Variants in LINC00305 observed in about 807,000 individuals in gnomAD.
LINC00305 encodes the protein long intergenic non-protein coding RNA 305.
intron 1 of LINC00305, among the ~76,000 whole-genome samples, chr18:64,107,450 G>A (rs1031882961): frequency 6.6e-6 from 1 of 152,200 alleles, no homozygotes; most frequent in Non-Finnish European, 1.5e-5. Flanking sequence ...GGAACTCTCT[G>A]AAATCCTTCA....
At chr18:64,098,630 TA>T in exon 2 of LINC00305, 1 of 430,402 alleles carries the variant, frequency 2.3e-6, no homozygotes, top group South Asian at 1.7e-5. Context: ...TGGAACCAGA[TA>T]ATTTCCATCC....
At chr18:64,113,705 T>G (rs2051325270) in intron 1 of LINC00305, among the ~76,000 whole-genome samples, 1 of 152,296 alleles carries the variant, frequency 6.6e-6, no homozygotes, top group East Asian at 1.9e-4. Flanking sequence ...CCAGTAATAC[T>G]CAACCTCAGC....
chr18:64,112,007 C>G (rs1300850271), intron 1 of LINC00305, among the ~76,000 whole-genome samples: 1 of 152,034 alleles, frequency 6.6e-6, no homozygotes, highest in African/African-American at 2.4e-5. Context: ...TATATTTCCC[C>G]TTAATATGTC....
chr18:64,130,189 G>A (rs1407990934), intron 1 of LINC00305, among the ~76,000 whole-genome samples: 1 of 151,994 alleles, frequency 6.6e-6, no homozygotes, highest in Admixed American at 6.6e-5. Context: ...TGCATTCTAT[G>A]TACCTTCAGT....
chr18:64,085,618 G>A (rs1397944910), intron 3 of LINC00305, among the ~76,000 whole-genome samples: 2 of 152,034 alleles, frequency 1.3e-5, no homozygotes, highest in African/African-American at 4.8e-5. Context: ...GCACAACTAT[G>A]CCCAGCTAAT....
intron 1 of LINC00305, among the ~76,000 whole-genome samples, chr18:64,121,089 C>G (rs889792944): frequency 6.6e-6 from 1 of 152,038 alleles, no homozygotes; most frequent in Non-Finnish European, 1.5e-5. Context: ...AAAAATGGTA[C>G]ATGGAACATT....
At chr18:64,135,513 G>A (rs1202231097) in intron 1 of LINC00305, among the ~76,000 whole-genome samples, 1 of 152,196 alleles carries the variant, frequency 6.6e-6, no homozygotes, top group Non-Finnish European at 1.5e-5. Context: ...GGGAATGACA[G>A]AGATGCAGCT....
intron 1 of LINC00305, among the ~76,000 whole-genome samples, chr18:64,145,128 T>C (rs1297357259): frequency 6.6e-6 from 1 of 152,204 alleles, no homozygotes; most frequent in Non-Finnish European, 1.5e-5. Context: ...TTTGTTGCAA[T>C]TGTTACTGCT....
At chr18:64,132,199 C>A (rs1005463653) in intron 1 of LINC00305, among the ~76,000 whole-genome samples, 2 of 152,134 alleles carry the variant, frequency 1.3e-5, no homozygotes, top group Non-Finnish European at 2.9e-5. Flanking sequence ...TCAATGAAAG[C>A]CTTAGGAAAG....
chr18:64,142,717 G>A (rs2051469837), intron 1 of LINC00305, among the ~76,000 whole-genome samples: 1 of 151,966 alleles, frequency 6.6e-6, no homozygotes, highest in African/African-American at 2.4e-5. Flanking sequence ...GGCCACCTGC[G>A]CCCTATTCCA....
At chr18:64,140,447 G>C (rs1034152661) in intron 1 of LINC00305, among the ~76,000 whole-genome samples, 1 of 152,142 alleles carries the variant, frequency 6.6e-6, no homozygotes, top group Admixed American at 6.5e-5. Context: ...GACCTCAGGT[G>C]ATCCACCAGC....
At chr18:64,107,574 C>A (rs1383819593) in intron 1 of LINC00305, among the ~76,000 whole-genome samples, 2 of 152,142 alleles carry the variant, frequency 1.3e-5, no homozygotes, top group Non-Finnish European at 2.9e-5. Context: ...AATGAATGGA[C>A]AAAAGTCCTC....
chr18:64,097,949 C>T (rs1444247711), exon 3 of LINC00305: 3 of 457,938 alleles, frequency 6.6e-6, no homozygotes, highest in Non-Finnish European at 1.3e-5. Context: ...GACCAGTTTC[C>T]ATCTCCTGCT....
intron 1 of LINC00305, among the ~76,000 whole-genome samples, chr18:64,122,679 G>A (rs1261826198): frequency 1.3e-5 from 2 of 151,978 alleles, no homozygotes; most frequent in Non-Finnish European, 2.9e-5. Context: ...CTCTTTTCGT[G>A]TTCCGTATGA....
At chr18:64,098,671 T>C in intron 1 of LINC00305, 1 of 418,448 alleles carries the variant, frequency 2.4e-6, no homozygotes, top group South Asian at 1.7e-5. Context: ...TAAATTGTTG[T>C]TTTCAGTGAA....
intron 3 of LINC00305, among the ~76,000 whole-genome samples, chr18:64,095,601 G>A (rs2051242119): frequency 6.6e-6 from 1 of 151,920 alleles, no homozygotes; most frequent in Non-Finnish European, 1.5e-5. Context: ...ATGCAATTTT[G>A]GAATTTACAA....
intron 1 of LINC00305, among the ~76,000 whole-genome samples, chr18:64,108,072 C>A (rs908865431): frequency 6.6e-6 from 1 of 152,150 alleles, no homozygotes; most frequent in Non-Finnish European, 1.5e-5. Flanking sequence ...AATTATACAT[C>A]CAGGTTTCTA....
In LINC00305 at chr18:64,143,748, TACATGTATGTACACATATTATGC is replaced by T. The variant is rs1319567697; in HGVS notation, n.314+5004_314+5026del. On this transcript the variant is annotated intron_variant and non_coding_transcript_variant, in intron 1 of 3. Coordinates refer to ENST00000666468, the Ensembl canonical transcript of LINC00305. ...TACATGTATGTCCACATATTATGCG[TACATGTATGTACACATATTATGC>T]GTACATGTATGTACACATATTATGC... Among the ~76,000 whole-genome samples, 5 of 71,864 alleles carry T rather than the reference TACATGTATGTACACATATTATGC, an allele frequency of 7.0e-5. No individual in the cohort carries two copies. In the East Asian group the frequency reaches 1.5e-3, roughly 22 times the overall value. The allele number at this position is 71,864 out of a possible 152,430, so 47.1% of individuals were successfully genotyped here.
intron 3 of LINC00305, among the ~76,000 whole-genome samples, chr18:64,082,551 T>A (rs1018075594): frequency 6.6e-6 from 1 of 152,160 alleles, no homozygotes; most frequent in Non-Finnish European, 1.5e-5. Context: ...GCAAGGAGAA[T>A]CCTTTGGGCA....
Sources: gnomAD v4.1 joint callset for allele counts (sites outside exome capture counted in the v4.1 genomes callset) on GRCh38, gnomAD v4.1.1 for gene constraint, MANE v1.5 for transcripts, NCBI Gene and HGNC (gene_info 2026-07-23, HGNC 2026-07-21) for gene names.